The following ENPP2 variants were observed in gnomAD, a reference collection of about 807,000 sequenced individuals.
ENPP2 encodes the protein autotaxin.
ENPP2 carries 51 observed loss-of-function variants against 120.2 expected under a neutral mutation model. The observed-to-expected ratio is 0.42, with a 90% confidence interval of 0.34 to 0.54. The LOEUF is 0.54. Among genes scored for constraint, ENPP2 ranks in the 20% least tolerant of loss-of-function variants. ENPP2 has a pLI of 0.04. For missense variants in ENPP2, 920 were observed against 1,066.5 expected (o/e 0.86, Z 1.91); for synonymous variants, 365 against 366.4 (o/e 1.00, Z 0.04).
intron 11 of ENPP2, among the ~76,000 whole-genome samples, chr8:119,597,677 G>A (rs1813994983): frequency 6.6e-6 from 1 of 152,152 alleles, no homozygotes; most frequent in Admixed American, 6.5e-5. Flanking sequence ...CGAACAAGGG[G>A]TCACAGAAAA....
At chr8:119,643,326 CA>C (rs993475951), upstream of ENPP2, among the ~76,000 whole-genome samples, 13 of 152,126 alleles carry the variant, frequency 8.5e-5, no homozygotes, top group African/African-American at 3.1e-4. Flanking sequence ...TCCAGGACTG[CA>C]AACATGTATA....
At chr8:119,673,254 G>A in exon 1 of ENPP2, 2 of 1,535,032 alleles carry the variant, frequency 1.3e-6, no homozygotes, top group Non-Finnish European at 1.7e-6. Context: ...TACCGTACCC[G>A]ATCGGCGTGG....
At chr8:119,594,358 A>T (rs1813742980) in intron 11 of ENPP2, among the ~76,000 whole-genome samples, 1 of 152,216 alleles carries the variant, frequency 6.6e-6, no homozygotes, top group Non-Finnish European at 1.5e-5. Flanking sequence ...GTTCTAAGTA[A>T]TTTAACTGTT....
intron 24 of ENPP2, among the ~76,000 whole-genome samples, chr8:119,561,211 G>A (rs2129901405): frequency 6.6e-6 from 1 of 152,244 alleles, no homozygotes; most frequent in South Asian, 2.1e-4. Flanking sequence ...CATAATTGAA[G>A]TCAACAGATC....
intron 24 of ENPP2, among the ~76,000 whole-genome samples, chr8:119,558,220 G>A (rs1210335984): frequency 6.6e-6 from 1 of 152,110 alleles, no homozygotes; most frequent in Non-Finnish European, 1.5e-5. Flanking sequence ...TGAAAAATGA[G>A]GTCAACTCGA....
At chr8:119,656,595 C>G (rs1170955097) in intron 1 of ENPP2, among the ~76,000 whole-genome samples, 1 of 152,270 alleles carries the variant, frequency 6.6e-6, no homozygotes, top group Admixed American at 6.5e-5. Flanking sequence ...GCACAAGAGT[C>G]CAGTAACTAA....
Position 119,593,807 on chromosome 8 carries a change from T to C in ENPP2, c.1026A>G (p.Gly342=), listed in dbSNP as rs754677622. ...IDKIVGQLMD[G]LKQLKLHRCV... is the part of the protein sequence containing the mutation. ...ACCGATGCAGTTTTAGTTGTTTCAG[T>C]CCATCCATTAATTGCCCCACAATTT... Residue 342 remains glycine, a synonymous_variant, in exon 12 of 25, where the codon GGA becomes GGG. Coordinates refer to ENST00000075322, the MANE Select transcript of ENPP2 (RefSeq NM_001040092.3). 1 of 1,613,660 alleles carries C rather than the reference T, an allele frequency of 6.2e-7. No homozygotes were observed. Among genetic ancestry groups the C allele is most frequent in the Admixed American group, 1.7e-5 (1 of 60,014 alleles).
chr8:119,582,284 G>A (rs1812801683), intron 18 of ENPP2, 134 bp downstream of exon 18: 1 of 659,714 alleles, frequency 1.5e-6, no homozygotes, highest in East Asian at 2.7e-5. Flanking sequence ...GAGTTCCTCA[G>A]TCACACTAGC....
chr8:119,568,301 T>C (rs763653433), intron 21 of ENPP2, 49 bp from the exon 22 acceptor site: 27 of 894,750 alleles, frequency 3.0e-5, no homozygotes, highest in Admixed American at 2.4e-4. Context: ...AAAATCTATA[T>C]CAGTTAAAAA....
At chr8:119,648,295 G>A (rs755181715) in intron 1 of ENPP2, among the ~76,000 whole-genome samples, 33 of 152,208 alleles carry the variant, frequency 2.2e-4, no homozygotes, top group Non-Finnish European at 3.5e-4. Flanking sequence ...GCTGGGCATA[G>A]AGTGCTTAGT....
chr8:119,601,578 T>C, intron 9 of ENPP2, 116 bp from the exon 10 acceptor site: 1 of 709,552 alleles, frequency 1.4e-6, no homozygotes, highest in Non-Finnish European at 2.5e-6. Context: ...ACCATCTGTT[T>C]TCACTTCATT....
At chr8:119,594,762 G>A (rs561304871) in intron 11 of ENPP2, among the ~76,000 whole-genome samples, 1 of 152,268 alleles carries the variant, frequency 6.6e-6, no homozygotes, top group South Asian at 2.1e-4. Context: ...ATATTTAGAT[G>A]AATTTTATAG....
chr8:119,617,688 C>T, intron 5 of ENPP2, 125 bp from the exon 6 acceptor site: 2 of 675,760 alleles, frequency 3.0e-6, no homozygotes, highest in Non-Finnish European at 5.1e-6. Flanking sequence ...ATGGCTTACG[C>T]TTATAATCCC....
upstream of ENPP2, among the ~76,000 whole-genome samples, chr8:119,642,470 C>A (rs1817311794): frequency 6.6e-6 from 1 of 151,766 alleles, no homozygotes; most frequent in East Asian, 1.9e-4. Flanking sequence ...AATACAATAT[C>A]TATGTTTCCT....
chr8:119,586,359 A>T (rs764438052), intron 14 of ENPP2, 46 bp from the exon 15 acceptor site: 7 of 1,590,548 alleles, frequency 4.4e-6, no homozygotes, highest in Non-Finnish European at 6.0e-6. Context: ...TGTCTTTTGG[A>T]AAAATTCTTA....
chr8:119,646,484 A>C (rs56224112), intron 1 of ENPP2, among the ~76,000 whole-genome samples: 23,318 of 152,094 alleles, frequency 0.15, 2,169 homozygotes, highest in African/African-American at 0.26. Flanking sequence ...GAGTTTGAGG[A>C]CCACTGACCT....
intron 11 of ENPP2, among the ~76,000 whole-genome samples, chr8:119,600,006 CAAAAAA>C (rs58150510): frequency 4.3e-4 from 30 of 68,998 alleles, no homozygotes; most frequent in African/African-American, 1.3e-3. Context: ...GACTCTGTCT[CAAAAAA>C]AAAAAAAAAA....
At position 119,586,273 on chromosome 8, in the gene ENPP2, T is replaced by A; in HGVS notation, c.1280A>T (p.Gln427Leu). The A allele has an allele frequency of 6.2e-7, 1 of 1,614,000 alleles. No homozygotes were observed. Among genetic ancestry groups the A allele is most frequent in the East Asian group, 2.2e-5 (1 of 44,860 alleles). ...ATAGTGCAAACGTTTGGGAAGGTGC[T>A]GTTTCAAGTAAGGCTTAAAGTGCTG... Reference protein sequence around the residue: ...PDQHFKPYLKQHLPKRLHYAN... With the variant: ...PDQHFKPYLKLHLPKRLHYAN... The change falls in exon 15 of 25, where the codon CAG becomes CTG. Residue 427 changes from glutamine (Q) to leucine (L), a missense_variant. By Grantham distance (113) the Gln-to-Leu change is moderately radical. Coordinates refer to ENST00000075322, the MANE Select transcript of ENPP2 (RefSeq NM_001040092.3).
intron 24 of ENPP2, among the ~76,000 whole-genome samples, chr8:119,558,228 C>T (rs544852482): frequency 6.6e-6 from 1 of 152,280 alleles, no homozygotes; most frequent in Non-Finnish European, 1.5e-5. Flanking sequence ...GAGGTCAACT[C>T]GAAACCACTC....
Sources: allele counts gnomAD v4.1 joint callset (sites outside exome capture counted in the v4.1 genomes callset), GRCh38; gene constraint gnomAD v4.1.1; transcripts MANE v1.5; gene names NCBI Gene and HGNC (gene_info 2026-07-23, HGNC 2026-07-21).